Variants in EME1 observed in about 807,000 individuals in gnomAD.
The protein encoded by EME1 is essential meiotic structure-specific endonuclease 1.
EME1 carries 61 observed loss-of-function variants against 59.1 expected under a neutral mutation model. The ratio of observed to expected loss-of-function variants is 1.03; its 90% CI spans 0.84 to 1.28. The LOEUF (loss-of-function observed/expected upper bound fraction) is 1.28, where lower values mean the gene tolerates loss of function less well. EME1 is among the 50% of genes most tolerant of loss of function. The pLI is 0.00. For missense variants in EME1, 635 were observed against 682.6 expected, an observed-to-expected ratio of 0.93 and a Z score of 0.78; for synonymous variants, 230 against 254.2, an observed-to-expected ratio of 0.90 and a Z score of 0.90.
At chr17:50,377,430 A>G (rs1421836948) in intron 3 of EME1, among the ~76,000 whole-genome samples, 1 of 152,190 alleles carries the variant, frequency 6.6e-6, no homozygotes, top group Non-Finnish European at 1.5e-5. Flanking sequence ...TAGGGACCCA[A>G]TCAGAAAACT....
chr17:50,375,356 T>G lies in EME1; in HGVS notation c.148T>G (p.Ser50Ala), dbSNP rs1029235885. ...AGAGAAGATTGTAGTGGTTGACATC[T>G]CAGATTGTGAAGCCTCCTGTCCTCC... ...REEKIVVVDI[S>A]DCEASCPPAP... The change falls in exon 2 of 9, where the codon TCA becomes GCA. Residue 50 changes from serine to alanine, a missense_variant. Coordinates refer to ENST00000338165, the MANE Select transcript of EME1 (RefSeq NM_152463.4). 2.5e-6 allele frequency: 4 copies of G among 1,614,046 alleles called. No individual in the cohort carries two copies.
At chr17:50,377,439 CT>C (rs1475754146) in intron 3 of EME1, among the ~76,000 whole-genome samples, 1 of 152,192 alleles carries the variant, frequency 6.6e-6, no homozygotes, top group East Asian at 1.9e-4. Context: ...AATCAGAAAA[CT>C]TTCTATCAAA....
intron 6 of EME1, 70 bp from the exon 7 acceptor site, chr17:50,379,382 T>A: frequency 6.3e-7 from 1 of 1,591,942 alleles, no homozygotes; most frequent in Middle Eastern, 1.7e-4. Flanking sequence ...GGGTGTGGCT[T>A]TAGTGGACAG....
rs376122157 is a variant in EME1 at position 50,380,455 on chromosome 17, C to T, written c.1490C>T (p.Ala497Val). ...QQLNRVSLEM[A>V]SAVVNAYPSP... The stretch of plus-strand genomic sequence containing the variant: ...CTGAACCGAGTCAGCCTGGAAATGG[C>T]CAGTGCAGTTGTGAATGCCTATCCC... Residue 497 changes from alanine (A) to valine (V), a missense_variant, in exon 8 of 9, where the codon GCC becomes GTC. Coordinates refer to ENST00000338165, the MANE Select transcript of EME1 (RefSeq NM_152463.4). The T allele has an allele frequency of 1.9e-6, 3 of 1,614,096 alleles. No homozygotes were observed. The highest frequency in any genetic ancestry group is 2.7e-5 in the African/African-American group (2 of 75,032).
chr17:50,376,219 C>T (rs769049258), intron 3 of EME1, 26 bp downstream of exon 3: 1 of 1,605,688 alleles, frequency 6.2e-7, no homozygotes, highest in Non-Finnish European at 8.5e-7. Flanking sequence ...CTGACATTTC[C>T]TCCCTCTCCT....
chr17:50,381,105 T>C lies in EME1; in HGVS notation c.*166T>C. ...TGTGAAGGTCTCTCTGCCTGTCGGC[T>C]GGGGCAGAGACTGAAATACTGCCAC... On this transcript the variant is annotated 3_prime_UTR_variant, in exon 9 of 9. Transcript: ENST00000338165. The C allele has an allele frequency of 2.7e-6, 2 of 745,768 alleles. No individual in the cohort carries two copies. Among genetic ancestry groups the C allele is most frequent in the Non-Finnish European group, 4.2e-6 (2 of 472,146 alleles). The allele number at this position is 745,768 out of a possible 1,614,324, so 46.2% of individuals were successfully genotyped here.
Position 50,378,631 on chromosome 17 carries a change from G to T in EME1, c.940G>T (p.Val314Leu), listed in dbSNP as rs1420896602. 2.5e-6 allele frequency: 4 copies of T among 1,614,116 alleles called. No homozygotes were observed. The Admixed American group carries it at 6.7e-5, about 27-fold the overall frequency. The change falls in exon 4 of 9, where the codon GTG becomes TTG. Residue 314 changes from valine (V) to leucine (L), a missense_variant. Coordinates refer to ENST00000338165, the MANE Select transcript of EME1 (RefSeq NM_152463.4). The stretch of plus-strand genomic sequence containing the variant: ...CTGGGTGGAGGAGCCAACAGTACTG[G>T]TGTTGCTCCGGGCAGAGGCATTTGT... ...EDWVEEPTVLVLLRAEAFVSM... is the reference protein window; with the variant it reads ...EDWVEEPTVLLLLRAEAFVSM...
Position 50,378,780 on chromosome 17 carries a change from CTGGA to C in EME1, c.998_1001del (p.Leu333ProfsTer4). 6.2e-7 allele frequency: 1 copy of C among 1,614,184 alleles called. No homozygotes were observed. The highest frequency in any genetic ancestry group is 8.5e-7 in the Non-Finnish European group (1 of 1,180,034). Reference sequence around the variant, plus strand: ...TTTCTGCCCCTTCATGCAGGGAAGCCTGGACAGCACTATGAAAGGGAAGGAAACG... The same window carrying C: ...TTTCTGCCCCTTCATGCAGGGAAGCCCAGCACTATGAAAGGGAAGGAAACG... On this transcript the variant is annotated frameshift_variant, in exon 5 of 9. Coordinates refer to ENST00000338165, the MANE Select transcript of EME1 (RefSeq NM_152463.4). LOFTEE classifies it high-confidence loss of function.
Position 50,381,098 on chromosome 17 carries a change from T to C in EME1, c.*159T>C, listed in dbSNP as rs1272892131. On this transcript the variant is annotated 3_prime_UTR_variant, in exon 9 of 9. Coordinates refer to ENST00000338165, the MANE Select transcript of EME1 (RefSeq NM_152463.4). The stretch of plus-strand genomic sequence containing the variant: ...TATTATTTGTGAAGGTCTCTCTGCC[T>C]GTCGGCTGGGGCAGAGACTGAAATA... The C allele has an allele frequency of 3.8e-6, 3 of 780,086 alleles. No homozygotes were observed. Among genetic ancestry groups the C allele is most frequent in the Admixed American group, 2.9e-5 (1 of 34,814 alleles). 48.3% of individuals were successfully genotyped at this position (780,086 alleles called of 1,614,324 possible). A position where few individuals can be genotyped will look rare whatever the true frequency, so the allele number is the denominator to read the frequency against.
intron 3 of EME1, among the ~76,000 whole-genome samples, chr17:50,378,248 A>G (rs560072910): frequency 6.7e-6 from 1 of 149,654 alleles, no homozygotes. Flanking sequence ...TGTATTTTTA[A>G]TAGAGATGGG....
chr17:50,375,811 G>A lies in EME1; in HGVS notation c.603G>A (p.Pro201=), dbSNP rs144666368. The A allele has an allele frequency of 3.5e-5, 57 of 1,614,158 alleles. No homozygotes were observed. Among genetic ancestry groups the A allele is most frequent in the African/African-American group, 1.7e-4 (13 of 75,038 alleles). Residue 201 remains proline, a synonymous_variant, in exon 2 of 9, where the codon CCG becomes CCA. Transcript: ENST00000338165. ...TTCCACCCCAGAAGAAAACCAAGCC[G>A]AGTCAGAAGGTCCAGGGAAGAGGCT... is the stretch of plus-strand genomic sequence containing the variant. ...DILPPQKKTK[P]SQKVQGRGSH...
In EME1 at chr17:50,379,316, GT is replaced by G. The variant is rs1180280788; in HGVS notation, c.1230+96del. ...GAGAATAAAATGCCTGCTGCGTACTGTTTTCTGCCTTGGCACTGACTAAGAG... is the reference window on the plus strand; with the variant it reads ...GAGAATAAAATGCCTGCTGCGTACTGTTTCTGCCTTGGCACTGACTAAGAG... On this transcript the variant is annotated intron_variant, in intron 6 of 8. Transcript: ENST00000338165. 25 of 1,596,012 alleles carry G rather than the reference GT, an allele frequency of 1.6e-5. No homozygotes were observed. The Admixed American group carries it at 3.9e-4, about 25-fold the overall frequency.
Position 50,380,364 on chromosome 17 carries a change from G to A in EME1, c.1399G>A (p.Gly467Arg), listed in dbSNP as rs1162267077. Residue 467 changes from glycine (G) to arginine (R), a missense_variant, in exon 8 of 9, where the codon GGA becomes AGA. Coordinates refer to ENST00000338165, the MANE Select transcript of EME1 (RefSeq NM_152463.4). ...CTTCTGTCTGGAGAGTGACTGGGCT[G>A]GAGGGGTGAAGGTGGACCTTGCTGG... ...FSFCLESDWA[G>R]GVKVDLAGRG... The A allele has an allele frequency of 1.2e-6, 2 of 1,613,964 alleles. No individual in the cohort carries two copies. The highest frequency in any genetic ancestry group is 2.2e-5 in the East Asian group (1 of 44,882).
At chr17:50,374,480 C>A (rs1435291550) in intron 1 of EME1, among the ~76,000 whole-genome samples, 1 of 152,078 alleles carries the variant, frequency 6.6e-6, no homozygotes, top group African/African-American at 2.4e-5. Flanking sequence ...CTCAAGTGAT[C>A]CTTCTGCTTT....
rs144869635 is a variant in EME1 at position 50,376,142 on chromosome 17, G to C, written c.852G>C (p.Ala284=). The change falls in exon 3 of 9, where the codon GCG becomes GCC. Residue 284 remains alanine, a synonymous_variant. Transcript: ENST00000338165. ...QTMECRCVIE[A]QAVPCSVTWR... ...TGGAGTGCCGCTGTGTGATTGAGGC[G>C]CAGGCTGTGCCTTGCAGTGTCACTT... 2 of 1,613,900 alleles carry C rather than the reference G, an allele frequency of 1.2e-6. No homozygotes were observed. Among genetic ancestry groups the C allele is most frequent in the Middle Eastern group, 1.7e-4 (1 of 5,994 alleles).
At position 50,380,950 on chromosome 17, in the gene EME1, C is replaced by G. The variant is rs749061985; in HGVS notation, c.*11C>G. On this transcript the variant is annotated 3_prime_UTR_variant, in exon 9 of 9. Coordinates refer to ENST00000338165, the MANE Select transcript of EME1 (RefSeq NM_152463.4). ...GATAGTGCTGACTGATTCTAGCCCT[C>G]AGGGATGAGGATGAAAAGCTGGAAA... 22 of 1,612,596 alleles carry G rather than the reference C, an allele frequency of 1.4e-5. No homozygotes were observed. Among genetic ancestry groups the G allele is most frequent in the Non-Finnish European group, 1.9e-5 (22 of 1,178,862 alleles).
chr17:50,379,327 T>C, intron 6 of EME1, 103 bp downstream of exon 6: 2 of 1,590,738 alleles, frequency 1.3e-6, no homozygotes, highest in Non-Finnish European at 1.7e-6. Context: ...TTTTCTGCCT[T>C]GGCACTGACT....
At chr17:50,374,425 GACGAGTTCTC>G (rs1274879694) in intron 1 of EME1, among the ~76,000 whole-genome samples, 1 of 152,014 alleles carries the variant, frequency 6.6e-6, no homozygotes, top group Non-Finnish European at 1.5e-5. Context: ...TTTTTGTAGA[GACGAGTTCTC>G]ACTATGTTGC....
In EME1 at chr17:50,379,502, G is replaced by A. The variant is rs1567817338; in HGVS notation, c.1281G>A (p.Gln427=). 6.2e-7 allele frequency: 1 copy of A among 1,614,216 alleles called. No individual in the cohort carries two copies. The highest frequency in any genetic ancestry group is 2.2e-5 in the East Asian group (1 of 44,892). Residue 427 remains glutamine, a synonymous_variant, in exon 7 of 9, where the codon CAG becomes CAA. Transcript: ENST00000338165. The part of the protein sequence containing the change: ...LHTEAQAQIV[Q]SWKELADFTC... The stretch of plus-strand genomic sequence containing the variant: ...CAGAAGCCCAGGCTCAAATTGTGCA[G>A]AGCTGGAAAGAGCTGGCCGACTTCA...
Sources: allele counts gnomAD v4.1 joint callset (sites outside exome capture counted in the v4.1 genomes callset), GRCh38; gene constraint gnomAD v4.1.1; transcripts MANE v1.5; gene names NCBI Gene and HGNC (gene_info 2026-07-23, HGNC 2026-07-21).